The following TBXAS1 variants were observed in gnomAD, a reference collection of about 807,000 sequenced individuals.
The protein encoded by TBXAS1 is thromboxane A synthase 1, also known as thromboxane-A synthase.
Under a neutral mutation model 60.7 loss-of-function variants are expected in TBXAS1, and 48 were observed. The observed-to-expected ratio is 0.79, with a 90% confidence interval of 0.63 to 1.01. TBXAS1 has a LOEUF of 1.01. Ranked by LOEUF, TBXAS1 falls within the 50% of genes least tolerant of loss-of-function variation. TBXAS1 has a pLI of 0.00. For synonymous variants in TBXAS1, 287 were observed against 269.7 expected (o/e 1.06, Z -0.63); for missense variants, 685 against 686.3 (o/e 1.00, Z 0.02).
At chr7:139,880,134 C>G (rs1243358335) in intron 3 of TBXAS1, among the ~76,000 whole-genome samples, 1 of 152,156 alleles carries the variant, frequency 6.6e-6, no homozygotes, top group Non-Finnish European at 1.5e-5. Context: ...CCAACTCCCT[C>G]GGCCTGCCAA....
intron 4 of TBXAS1, among the ~76,000 whole-genome samples, chr7:139,824,209 G>A (rs909131412): frequency 6.6e-6 from 1 of 152,220 alleles, no homozygotes; most frequent in African/African-American, 2.4e-5. Flanking sequence ...GGAAGTAGGA[G>A]TGGGGGAAAA....
At position 139,873,472 on chromosome 7, in the gene TBXAS1, A is replaced by G. The variant is rs17161197; in HGVS notation, c.183+1144A>G. On this transcript the variant is annotated intron_variant, in intron 2 of 12. Transcript: ENST00000448866. ...TCGGTCTGGTCGGTGATGAGAGTGA[A>G]TAGAGATGGATAATTGGGAGCAAAA... is the stretch of plus-strand genomic sequence containing the variant. Among the ~76,000 whole-genome samples, 1,306 of 152,282 alleles carry G rather than the reference A, an allele frequency of 8.6e-3. 15 individuals carry two copies. The highest frequency in any genetic ancestry group is 0.027 in the African/African-American group (1,140 of 41,548).
intron 1 of TBXAS1, among the ~76,000 whole-genome samples, chr7:139,833,509 CAAAAAAAAAAAAA>C (rs56291914): frequency 0.13 from 9,600 of 74,584 alleles, 1,136 homozygotes; most frequent in African/African-American, 0.36. Context: ...ACTAAAAATA[CAAAAAAAAAAAAA>C]AAAAAAAAAA....
At chr7:139,900,540 A>C (rs1376177935) in intron 3 of TBXAS1, among the ~76,000 whole-genome samples, 1 of 152,226 alleles carries the variant, frequency 6.6e-6, no homozygotes, top group Non-Finnish European at 1.5e-5. Flanking sequence ...GAGAAGAAAA[A>C]GGGGCACCAT....
At chr7:140,011,383 C>T (rs552182799) in intron 10 of TBXAS1, among the ~76,000 whole-genome samples, 1 of 119,976 alleles carries the variant, frequency 8.3e-6, no homozygotes, top group East Asian at 2.2e-4. Flanking sequence ...CCAATCCCAT[C>T]CCCTAGAGAA....
intron 4 of TBXAS1, among the ~76,000 whole-genome samples, chr7:139,818,614 G>A (rs1585550812): frequency 6.6e-6 from 1 of 152,144 alleles, no homozygotes; most frequent in African/African-American, 2.4e-5. Context: ...CAAAACTTAG[G>A]ATTATCTTCT....
chr7:139,940,173 G>C (rs1332492696), intron 5 of TBXAS1, among the ~76,000 whole-genome samples: 3 of 152,174 alleles, frequency 2.0e-5, no homozygotes, highest in Non-Finnish European at 4.4e-5. Flanking sequence ...GAAGAGCAGA[G>C]GGTTTGAGGC....
intron 1 of TBXAS1, among the ~76,000 whole-genome samples, chr7:139,863,513 T>C (rs921397767): frequency 1.3e-5 from 2 of 152,200 alleles, no homozygotes; most frequent in Non-Finnish European, 2.9e-5. Flanking sequence ...TCTGTTCTCC[T>C]GAGGTTTGCA....
intron 1 of TBXAS1, among the ~76,000 whole-genome samples, chr7:139,849,500 G>T (rs1308987593): frequency 1.3e-5 from 2 of 152,270 alleles, no homozygotes; most frequent in East Asian, 3.9e-4. Flanking sequence ...TCTTGCTTAT[G>T]AAGTGATAAC....
At position 140,013,516 on chromosome 7, in the gene TBXAS1, A is replaced by G. The variant is rs903522002; in HGVS notation, c.1227-2207A>G. On this transcript the variant is annotated intron_variant, in intron 10 of 12. Transcript: ENST00000448866. This position sits in a 1 kb window ranked among gnomAD's most constrained non-coding sequence, Gnocchi z 4.2. ...TCAAGTTGCAAGGAAGAGAGATTCA[A>G]TGGTGCTTTCTTGAGTCACGGGTGT... Among the ~76,000 whole-genome samples the G allele has an allele frequency of 2.6e-5, 4 of 152,316 alleles. No homozygotes were observed. The highest frequency in any genetic ancestry group is 7.2e-5 in the African/African-American group (3 of 41,584).
At chr7:139,906,813 A>G (rs1805127391) in intron 3 of TBXAS1, among the ~76,000 whole-genome samples, 1 of 152,192 alleles carries the variant, frequency 6.6e-6, no homozygotes, top group Non-Finnish European at 1.5e-5. Flanking sequence ...GTAAATGGCA[A>G]TGTGCTTTCA....
intron 4 of TBXAS1, among the ~76,000 whole-genome samples, chr7:139,800,279 T>C (rs1374443295): frequency 6.6e-6 from 1 of 152,204 alleles, no homozygotes; most frequent in East Asian, 1.9e-4. Flanking sequence ...AAGATCCTTA[T>C]AGTAGCTTCC....
intron 1 of TBXAS1, among the ~76,000 whole-genome samples, chr7:139,834,483 A>G (rs1383489858): frequency 2.6e-5 from 4 of 152,214 alleles, no homozygotes; most frequent in African/African-American, 9.6e-5. Flanking sequence ...ACTAAATGAA[A>G]TTGAAACACA....
chr7:139,915,005 G>T (rs531720241), intron 4 of TBXAS1, among the ~76,000 whole-genome samples: 2 of 151,914 alleles, frequency 1.3e-5, no homozygotes, highest in Non-Finnish European at 2.9e-5. Flanking sequence ...AGTCTTCTTC[G>T]TCTCGGTCAT....
chr7:139,883,800 T>C (rs1424470060), intron 3 of TBXAS1, among the ~76,000 whole-genome samples: 1 of 152,218 alleles, frequency 6.6e-6, no homozygotes, highest in Non-Finnish European at 1.5e-5. Flanking sequence ...TACACACACA[T>C]ACATTTGAAA....
intron 1 of TBXAS1, among the ~76,000 whole-genome samples, chr7:139,844,450 T>C (rs1799671427): frequency 6.6e-6 from 1 of 152,202 alleles, no homozygotes. Context: ...GGCAAGCTAA[T>C]TGGAAAACTC....
chr7:139,799,763 T>C (rs543504273), intron 4 of TBXAS1, among the ~76,000 whole-genome samples: 1 of 152,304 alleles, frequency 6.6e-6, no homozygotes, highest in East Asian at 1.9e-4. Flanking sequence ...CCCACTTGAC[T>C]CCTTCTATTT....
intron 3 of TBXAS1, among the ~76,000 whole-genome samples, chr7:139,784,013 T>TG (rs1554462443): frequency 8.2e-6 from 1 of 122,492 alleles, no homozygotes; most frequent in Non-Finnish European, 1.5e-5. Flanking sequence ...TTTTTTTTGT[T>TG]TTTTTTTTTT....
chr7:139,972,604 T>C (rs1463213523), intron 9 of TBXAS1, among the ~76,000 whole-genome samples: 1 of 152,140 alleles, frequency 6.6e-6, no homozygotes. Context: ...TTCACACCAG[T>C]GGAGTGGAAG....
Sources: allele counts gnomAD v4.1 joint callset (sites outside exome capture counted in the v4.1 genomes callset), GRCh38; gene constraint gnomAD v4.1.1; non-coding constraint Gnocchi (gnomAD v3.1); transcripts MANE v1.5; gene names NCBI Gene and HGNC (gene_info 2026-07-23, HGNC 2026-07-21).